Variants in BTBD19 observed in about 807,000 individuals in gnomAD.
The protein encoded by BTBD19 is BTB/POZ domain-containing protein 19.
BTBD19 carries 20 observed loss-of-function variants against 36.1 expected under a neutral mutation model. That is an observed-to-expected ratio of 0.55 (90% confidence interval 0.39 to 0.80). BTBD19 has a LOEUF of 0.80. Ranked by LOEUF, BTBD19 falls within the 30% of genes least tolerant of loss-of-function variation. The pLI is 0.00. For synonymous variants in BTBD19, 157 were observed against 174.3 expected (o/e 0.90, Z 0.78); for missense variants, 325 against 389.8 (o/e 0.83, Z 1.40).
Position 44,812,976 on chromosome 1 carries a change from C to G in BTBD19, c.415-20C>G, listed in dbSNP as rs1437414434. ...CGGCCTCTCCAGTCTCCAACCTGAT[C>G]TCCCTCATTCTGCTCGCAGGTGGCC... On this transcript the variant is annotated intron_variant, in intron 4 of 7. Transcript: ENST00000450269. 1.3e-6 allele frequency: 2 copies of G among 1,542,182 alleles called. No homozygotes were observed. The highest frequency in any genetic ancestry group is 4.9e-5 in the East Asian group (2 of 40,816).
chr1:44,810,559 G>A lies in BTBD19; in HGVS notation c.306G>A (p.Leu102=). 2 of 1,550,412 alleles carry A rather than the reference G, an allele frequency of 1.3e-6. No individual in the cohort carries two copies. The highest frequency in any genetic ancestry group is 1.7e-6 in the Non-Finnish European group (2 of 1,146,722). The change falls in exon 3 of 8, where the codon CTG becomes CTA. Residue 102 remains leucine, a synonymous_variant. Coordinates refer to ENST00000450269, the Ensembl canonical transcript of BTBD19. This position sits in a 1 kb window ranked among gnomAD's most constrained non-coding sequence, Gnocchi z 4.2. The stretch of plus-strand genomic sequence containing the variant: ...CCCAACCACCCACTCTACAGGTGCT[G>A]GAAGTGCTGACAGCGGCTGTGGAGT...
At chr1:44,812,969 A>T in intron 4 of BTBD19, 27 bp from the exon 5 acceptor site, 1 of 1,536,746 alleles carries the variant, frequency 6.5e-7, no homozygotes, top group Non-Finnish European at 8.8e-7. Context: ...CCAGTCTCCA[A>T]CCTGATCTCC....
At chr1:44,812,529 C>A (rs1309817933) in intron 4 of BTBD19, 4 of 439,822 alleles carry the variant, frequency 9.1e-6, no homozygotes, top group South Asian at 1.6e-5. Context: ...CACGGTGAAA[C>A]CCTGTCTCTA....
chr1:44,813,822 C>T lies in BTBD19; in HGVS notation c.*50C>T. 4 of 1,549,194 alleles carry T rather than the reference C, an allele frequency of 2.6e-6. No individual in the cohort carries two copies. Among genetic ancestry groups the T allele is most frequent in the Non-Finnish European group, 3.5e-6 (4 of 1,145,380 alleles). ...CCCTCGACCCGCCCAGCTGAGCCTGCCCCAAACTACAGCTCCCGAAGTGCT... is the reference window on the plus strand; with the variant it reads ...CCCTCGACCCGCCCAGCTGAGCCTGTCCCAAACTACAGCTCCCGAAGTGCT... On this transcript the variant is annotated 3_prime_UTR_variant, in exon 8 of 8. Coordinates refer to ENST00000450269, the Ensembl canonical transcript of BTBD19. The surrounding 1 kb of genome is among the most constrained non-coding windows in gnomAD (Gnocchi z 7.8).
In BTBD19 at chr1:44,810,872, T is replaced by A; in HGVS notation, c.354+265T>A. 1 of 323,930 alleles carries A rather than the reference T, an allele frequency of 3.1e-6. No homozygotes were observed. The highest frequency in any genetic ancestry group is 2.5e-5 in the South Asian group (1 of 40,458). 20.1% of individuals were successfully genotyped at this position (323,930 alleles called of 1,614,324 possible). A position where few individuals can be genotyped will look rare whatever the true frequency, so the allele number is the denominator to read the frequency against. ...AAGATATCAGCCTTGATCCGTGTTC[T>A]CCAGAGAGGGAGAGGAGACAGACAC... On this transcript the variant is annotated intron_variant, in intron 3 of 7. Transcript: ENST00000450269. The surrounding 1 kb of genome is among the most constrained non-coding windows in gnomAD (Gnocchi z 4.2).
intron 4 of BTBD19, among the ~76,000 whole-genome samples, chr1:44,812,745 G>A (rs939748951): frequency 1.1e-4 from 16 of 151,928 alleles, no homozygotes; most frequent in Non-Finnish European, 1.8e-4. Flanking sequence ...AGGCCATGGC[G>A]TGGTCTCCTG....
downstream of BTBD19, chr1:44,814,372 A>T (rs1327438874): frequency 6.6e-6 from 1 of 150,814 alleles, no homozygotes; most frequent in African/African-American, 2.5e-5. Flanking sequence ...ATCTCGGCTC[A>T]CTGCAAGCTC....
chr1:44,812,114 C>A lies in BTBD19; in HGVS notation c.414+16C>A. On this transcript the variant is annotated intron_variant, in intron 4 of 7. Transcript: ENST00000450269. ...GGCCCTGCAGGTGGGTGCTGCTGGA[C>A]AGGCATGGTAGGAGTCTGGCTCTGT... 7.7e-7 allele frequency: 1 copy of A among 1,301,232 alleles called. No homozygotes were observed. Among genetic ancestry groups the A allele is most frequent in the South Asian group, 1.2e-5 (1 of 80,954 alleles). 80.6% of individuals were successfully genotyped at this position (1,301,232 alleles called of 1,614,324 possible). A position where few individuals can be genotyped will look rare whatever the true frequency, so the allele number is the denominator to read the frequency against.
chr1:44,814,214 T>C (rs61411780), downstream of BTBD19: 75 of 114,412 alleles, frequency 6.6e-4, 1 homozygote, highest in Admixed American at 2.0e-3. Flanking sequence ...TTCTTTCTTT[T>C]TCTTTCTTTC....
At chr1:44,811,996 G>A (rs376223239) in intron 3 of BTBD19, 43 bp from the exon 4 acceptor site, 602 of 1,279,208 alleles carry the variant, frequency 4.7e-4, no homozygotes, top group Non-Finnish European at 5.9e-4. Context: ...GTGTCTTGGA[G>A]CAGGGACACC....
intron 1 of BTBD19, 113 bp downstream of exon 1, chr1:44,809,019 G>C: frequency 1.1e-6 from 1 of 889,288 alleles, no homozygotes; most frequent in Non-Finnish European, 1.6e-6. Context: ...CATCCTCCCT[G>C]GTGAACTTAG....
At chr1:44,814,160 T>TTCTTTC, downstream of BTBD19, 1 of 130,894 alleles carries the variant, frequency 7.6e-6, no homozygotes, top group South Asian at 2.4e-4. Flanking sequence ...CTTTCTTTCT[T>TTCTTTC]TCTTTCTTTC....
At position 44,813,257 on chromosome 1, in the gene BTBD19, G is replaced by GC; in HGVS notation, c.604dup (p.Arg202ProfsTer13). On this transcript the variant is annotated frameshift_variant, in exon 6 of 8. Transcript: ENST00000450269. LOFTEE classifies it high-confidence loss of function. The surrounding 1 kb of genome is among the most constrained non-coding windows in gnomAD (Gnocchi z 7.8). The stretch of plus-strand genomic sequence containing the variant: ...TGGTCCGCGCGGCCCGAAGCTGGGC[G>GC]CGCGTGGGCGCGGTGAGTGGGGCTG... The GC allele has an allele frequency of 6.5e-7, 1 of 1,535,910 alleles. No individual in the cohort carries two copies. The highest frequency in any genetic ancestry group is 8.7e-7 in the Non-Finnish European group (1 of 1,143,234).
At chr1:44,814,224 C>CCTTCCTTCCT (rs1652616406), downstream of BTBD19, 1 of 117,478 alleles carries the variant, frequency 8.5e-6, no homozygotes, top group African/African-American at 3.4e-5. Flanking sequence ...TTCTTTCTTT[C>CCTTCCTTCCT]TCTTTCCTTC....
Position 44,810,544 on chromosome 1 carries a change from C to T in BTBD19, c.301-10C>T. 1 of 1,550,560 alleles carries T rather than the reference C, an allele frequency of 6.4e-7. No homozygotes were observed. Among genetic ancestry groups the T allele is most frequent in the Non-Finnish European group, 8.7e-7 (1 of 1,146,812 alleles). ...ACTCCCTTCCACTCCCCCAACCACC[C>T]ACTCTACAGGTGCTGGAAGTGCTGA... On this transcript the variant is annotated splice_polypyrimidine_tract_variant and intron_variant, in intron 2 of 7. Transcript: ENST00000450269. The surrounding 1 kb of genome is among the most constrained non-coding windows in gnomAD (Gnocchi z 4.2).
Position 44,810,599 on chromosome 1 carries a change from CTG to C in BTBD19, c.347_348del (p.Leu116GlnfsTer19). On this transcript the variant is annotated frameshift_variant, in exon 3 of 8. Coordinates refer to ENST00000450269, the Ensembl canonical transcript of BTBD19. LOFTEE classifies it high-confidence loss of function. The surrounding 1 kb of genome is among the most constrained non-coding windows in gnomAD (Gnocchi z 4.2). ...GGCTGTGGAGTATGGGCTGGAGGAA[CTG>C]AGAGAGGTGGGTTTTTGTGCCAGGT... 6.5e-7 allele frequency: 1 copy of C among 1,544,686 alleles called. No individual in the cohort carries two copies. The highest frequency in any genetic ancestry group is 8.7e-7 in the Non-Finnish European group (1 of 1,143,876).
rs1326638283 is a variant in BTBD19, at chr1:44,810,916, G to A, written c.354+309G>A. Among the ~76,000 whole-genome samples the A allele has an allele frequency of 1.3e-5, 2 of 152,146 alleles. No homozygotes were observed. The highest frequency in any genetic ancestry group is 1.3e-4 in the Admixed American group (2 of 15,270). ...CAGACACATGAAAATGCTTACCTGG[G>A]TGGCATAAGAAGTGTGATAGAGGCC... On this transcript the variant is annotated intron_variant, in intron 3 of 7. Transcript: ENST00000450269. This position sits in a 1 kb window ranked among gnomAD's most constrained non-coding sequence, Gnocchi z 4.2.
chr1:44,814,026 T>C, exon 8 of BTBD19: 1 of 600,484 alleles, frequency 1.7e-6, no homozygotes, highest in East Asian at 2.9e-5. Flanking sequence ...AACGAGGATT[T>C]CCTTCGTTCC....
chr1:44,812,340 C>T (rs1447574292), intron 4 of BTBD19: 2 of 455,916 alleles, frequency 4.4e-6, no homozygotes, highest in Non-Finnish European at 8.8e-6. Context: ...CTTTGCTGGT[C>T]TTCTGTCTGT....
Sources: gnomAD v4.1 joint callset for allele counts (sites outside exome capture counted in the v4.1 genomes callset) on GRCh38, gnomAD v4.1.1 for gene constraint, Gnocchi (gnomAD v3.1) non-coding constraint, MANE v1.5 for transcripts, NCBI Gene and HGNC (gene_info 2026-07-23, HGNC 2026-07-21) for gene names.